The following SORCS3 variants were observed in gnomAD, a reference collection of about 807,000 sequenced individuals.
SORCS3 encodes VPS10 domain-containing receptor SorCS3.
SORCS3 carries 57 observed loss-of-function variants against 146.3 expected under a neutral mutation model. The observed-to-expected ratio is 0.39, with a 90% confidence interval of 0.31 to 0.49. The LOEUF (loss-of-function observed/expected upper bound fraction) is 0.49. Ranked by LOEUF, SORCS3 falls within the 20% of genes least tolerant of loss-of-function variation. SORCS3 has a pLI of 0.92. For missense variants in SORCS3, 1,341 were observed against 1,575.5 expected (o/e 0.85, Z 2.52); for synonymous variants, 653 against 618.5 (o/e 1.06, Z -0.83).
intron 18 of SORCS3, 55 bp downstream of exon 18, chr10:105,214,668 A>G (rs901870271): frequency 1.4e-6 from 2 of 1,463,750 alleles, no homozygotes; most frequent in Non-Finnish European, 9.2e-7. Flanking sequence ...CCATTCCCAG[A>G]AGGGAAGAAG....
At chr10:105,194,329 A>G (rs560701547) in intron 14 of SORCS3, among the ~76,000 whole-genome samples, 2 of 152,330 alleles carry the variant, frequency 1.3e-5, no homozygotes, top group African/African-American at 4.8e-5. Context: ...TGAGGATTCC[A>G]ACAGTAAAAA....
At chr10:105,018,877 CAT>C (rs1348864968) in intron 4 of SORCS3, among the ~76,000 whole-genome samples, 1 of 152,172 alleles carries the variant, frequency 6.6e-6, no homozygotes, top group Non-Finnish European at 1.5e-5. Flanking sequence ...AAATCATCCA[CAT>C]CATCTGCCAA....
chr10:104,741,920 C>T (rs1216442111), intron 1 of SORCS3, among the ~76,000 whole-genome samples: 2 of 151,746 alleles, frequency 1.3e-5, no homozygotes, highest in Non-Finnish European at 2.9e-5. Flanking sequence ...TCAGAAAATT[C>T]CAACATCTGT....
chr10:104,953,744 G>A lies in SORCS3; in HGVS notation c.796-23591G>A, dbSNP rs115444420. 2.9e-3 allele frequency among the ~76,000 whole-genome samples: 442 copies of A among 152,258 alleles called. 2 individuals carry two copies. The highest frequency in any genetic ancestry group is 0.019 in the South Asian group (90 of 4,826). On this transcript the variant is annotated intron_variant, in intron 3 of 26. Transcript: ENST00000369701. The stretch of plus-strand genomic sequence containing the variant: ...TGGTTAACTATTACTGCATTTAGAC[G>A]TATCTATTAACATCTACAATGTACC...
chr10:105,230,106 C>T (rs1438000663), intron 20 of SORCS3, among the ~76,000 whole-genome samples: 1 of 151,946 alleles, frequency 6.6e-6, no homozygotes, highest in African/African-American at 2.4e-5. Context: ...GGTGGTGTGC[C>T]CAACCTCAGG....
intron 1 of SORCS3, among the ~76,000 whole-genome samples, chr10:104,800,243 CAT>C (rs3976795): frequency 0.19 from 28,872 of 150,220 alleles, 2,886 homozygotes; most frequent in Middle Eastern, 0.3. Flanking sequence ...CATATGATTT[CAT>C]ATATATATAT....
At chr10:104,841,715 G>T (rs1264013831) in intron 1 of SORCS3, among the ~76,000 whole-genome samples, 2 of 152,118 alleles carry the variant, frequency 1.3e-5, no homozygotes, top group Admixed American at 6.6e-5. Flanking sequence ...TCCCATCTCG[G>T]TAGCAGAAAT....
intron 1 of SORCS3, among the ~76,000 whole-genome samples, chr10:104,805,558 T>C (rs1340238497): frequency 6.6e-6 from 1 of 152,130 alleles, no homozygotes; most frequent in African/African-American, 2.4e-5. Context: ...GGATTTACCA[T>C]GGGAGGTAGT....
intron 4 of SORCS3, among the ~76,000 whole-genome samples, chr10:105,016,449 TTATAAA>T (rs1554869036): frequency 6.6e-6 from 1 of 151,878 alleles, no homozygotes; most frequent in Non-Finnish European, 1.5e-5. Context: ...GTGCCTGGCC[TTATAAA>T]TATATATTTT....
intron 1 of SORCS3, among the ~76,000 whole-genome samples, chr10:104,800,021 CA>C (rs2017606391): frequency 6.6e-6 from 1 of 151,776 alleles, no homozygotes; most frequent in African/African-American, 2.4e-5. Context: ...TATGTCTACA[CA>C]AAAAAATTAC....
chr10:105,143,121 T>A (rs1368533462), intron 8 of SORCS3, among the ~76,000 whole-genome samples: 4 of 152,158 alleles, frequency 2.6e-5, no homozygotes, highest in Admixed American at 6.6e-5. Flanking sequence ...ATCCTAGCCA[T>A]TGCTACAGTG....
chr10:105,064,990 A>T (rs1298376628), intron 5 of SORCS3, among the ~76,000 whole-genome samples: 1 of 152,230 alleles, frequency 6.6e-6, no homozygotes, highest in Non-Finnish European at 1.5e-5. Context: ...AGGGAACCGG[A>T]ACCTAACCTA....
At chr10:104,860,575 T>TA (rs1166853535) in intron 2 of SORCS3, among the ~76,000 whole-genome samples, 1 of 151,182 alleles carries the variant, frequency 6.6e-6, no homozygotes, top group African/African-American at 2.4e-5. Context: ...ATAATAATAA[T>TA]AAAAAACAGA....
At chr10:105,005,390 G>A (rs1296163134) in intron 4 of SORCS3, among the ~76,000 whole-genome samples, 1 of 152,190 alleles carries the variant, frequency 6.6e-6, no homozygotes, top group African/African-American at 2.4e-5. Context: ...CATACCCAAA[G>A]TGTTAAGAAG....
chr10:105,004,536 A>T (rs1162717866), intron 4 of SORCS3, among the ~76,000 whole-genome samples: 2 of 152,080 alleles, frequency 1.3e-5, no homozygotes, highest in Non-Finnish European at 2.9e-5. Context: ...ACTAGGCAGG[A>T]TAGGAAGTGG....
At chr10:104,875,187 G>C (rs543910720) in intron 2 of SORCS3, among the ~76,000 whole-genome samples, 1 of 152,288 alleles carries the variant, frequency 6.6e-6, no homozygotes, top group South Asian at 2.1e-4. Context: ...TTGTCAGTTG[G>C]TAGATATTTC....
chr10:104,829,965 A>G (rs1414660107), intron 1 of SORCS3, among the ~76,000 whole-genome samples: 3 of 152,138 alleles, frequency 2.0e-5, no homozygotes, highest in Non-Finnish European at 4.4e-5. Context: ...TACATGTGCC[A>G]TGGTGGTTTG....
chr10:104,710,117 A>G (rs1012181897), intron 1 of SORCS3, among the ~76,000 whole-genome samples: 1 of 152,174 alleles, frequency 6.6e-6, no homozygotes, highest in African/African-American at 2.4e-5. Context: ...TTAACATTCT[A>G]ATCGAATGAT....
At chr10:105,091,965 G>A (rs2055713640) in intron 6 of SORCS3, among the ~76,000 whole-genome samples, 1 of 152,182 alleles carries the variant, frequency 6.6e-6, no homozygotes, top group Non-Finnish European at 1.5e-5. Flanking sequence ...TGGTATTTCA[G>A]AGTTGGAGGA....
Sources: allele counts gnomAD v4.1 joint callset (sites outside exome capture counted in the v4.1 genomes callset), GRCh38; gene constraint gnomAD v4.1.1; transcripts MANE v1.5; gene names NCBI Gene and HGNC (gene_info 2026-07-23, HGNC 2026-07-21).